Variants in EED observed in about 807,000 individuals in gnomAD.
EED encodes embryonic ectoderm development.
In EED, 9 loss-of-function variants were observed where a neutral mutation model predicts 61.0. That is an observed-to-expected ratio of 0.15 (90% CI 0.09 to 0.26). The LOEUF (loss-of-function observed/expected upper bound fraction) is 0.26. Ranked by LOEUF, EED falls within the 10% of genes least tolerant of loss-of-function variation. The pLI is 1.00. For missense variants in EED, 315 were observed against 542.3 expected, an observed-to-expected ratio of 0.58 and a Z score of 4.16; for synonymous variants, 187 against 174.4, an observed-to-expected ratio of 1.07 and a Z score of -0.57.
At chr11:86,248,201 T>C (rs1945439024) in intron 1 of EED, among the ~76,000 whole-genome samples, 1 of 152,212 alleles carries the variant, frequency 6.6e-6, no homozygotes, top group South Asian at 2.1e-4. Flanking sequence ...CCTGTACATA[T>C]ATTAGACACT....
At chr11:86,268,609 G>GTA (rs746121603) in intron 9 of EED, 48 bp downstream of exon 9, 43 of 1,164,570 alleles carry the variant, frequency 3.7e-5, no homozygotes, top group Non-Finnish European at 5.0e-5. Context: ...GTGTGTGTGT[G>GTA]TGTGTGTGTG....
intron 10 of EED, chr11:86,277,676 A>T (rs918707310): frequency 7.0e-6 from 2 of 286,716 alleles, no homozygotes; most frequent in African/African-American, 4.3e-5. Flanking sequence ...TAACAATGTA[A>T]ATTTGTAAGG....
intron 1 of EED, among the ~76,000 whole-genome samples, chr11:86,247,115 A>G (rs1052519714): frequency 6.6e-6 from 1 of 152,228 alleles, no homozygotes; most frequent in Non-Finnish European, 1.5e-5. Flanking sequence ...GCAAAGGACA[A>G]AATAAAGCTT....
At chr11:86,260,346 C>T (rs1292549131) in intron 6 of EED, among the ~76,000 whole-genome samples, 1 of 152,150 alleles carries the variant, frequency 6.6e-6, no homozygotes, top group Non-Finnish European at 1.5e-5. Context: ...CCCACCTCAT[C>T]CTTCTGAGTA....
intron 9 of EED, among the ~76,000 whole-genome samples, chr11:86,269,528 A>G (rs1433911406): frequency 6.6e-6 from 1 of 152,038 alleles, no homozygotes; most frequent in Non-Finnish European, 1.5e-5. Context: ...TTATGTGTAA[A>G]CTGTTTTTTT....
In EED at chr11:86,278,441, A is replaced by G. The variant is rs1946281256; in HGVS notation, c.1242A>G (p.Arg414=). Reference sequence around the variant, plus strand: ...ATCATAAATGTGGTGCTGCTATTCGACAAACCAGTTTTAGCAGGGATAGCA... The same window carrying G: ...ATCATAAATGTGGTGCTGCTATTCGGCAAACCAGTTTTAGCAGGGATAGCA... The part of the protein sequence containing the change: ...LTHHKCGAAI[R]QTSFSRDSSI... The change falls in exon 12 of 12, where the codon CGA becomes CGG. Residue 414 remains arginine (R), a synonymous_variant. Transcript: ENST00000263360. 5.6e-6 allele frequency: 9 copies of G among 1,613,624 alleles called. No individual in the cohort carries two copies. The highest frequency in any genetic ancestry group is 7.6e-6 in the Non-Finnish European group (9 of 1,179,836).
At chr11:86,250,534 C>CT (rs1046590971) in intron 2 of EED, 86 bp downstream of exon 2, 63 of 1,343,404 alleles carry the variant, frequency 4.7e-5, no homozygotes, top group Middle Eastern at 2.5e-4. Flanking sequence ...TCAGGATACT[C>CT]TGTCAAGTTG....
chr11:86,244,961 G>C lies in EED; in HGVS notation c.-269G>C. The C allele has an allele frequency of 6.4e-5, 26 of 407,140 alleles. No individual in the cohort carries two copies. Among genetic ancestry groups the C allele is most frequent in the South Asian group, 1.4e-4 (4 of 29,188 alleles). The allele number at this position is 407,140 out of a possible 1,614,324, so 25.2% of individuals were successfully genotyped here. The stretch of plus-strand genomic sequence containing the variant: ...CATCGTGTAGACTGCCGGGAGGGCG[G>C]CGGGAAAAGGGCAAGACGGGAGTTG... On this transcript the variant is annotated 5_prime_UTR_variant, in exon 1 of 12. Transcript: ENST00000263360.
chr11:86,281,854 CT>C (rs1449256065), downstream of EED, among the ~76,000 whole-genome samples: 1 of 152,126 alleles, frequency 6.6e-6, no homozygotes, highest in Non-Finnish European at 1.5e-5. Context: ...CTTGTAGTTT[CT>C]TTTTTGACCC....
chr11:86,250,571 C>T, intron 2 of EED, 123 bp downstream of exon 2: 2 of 1,150,370 alleles, frequency 1.7e-6, no homozygotes, highest in Non-Finnish European at 1.1e-6. Context: ...ACAATGTTTT[C>T]TGAAGGGTTT....
chr11:86,253,230 T>G (rs558707571), intron 3 of EED, among the ~76,000 whole-genome samples: 1 of 152,372 alleles, frequency 6.6e-6, no homozygotes, highest in South Asian at 2.1e-4. Flanking sequence ...GTAGTCTGCT[T>G]ATAGTTGTTT....
At chr11:86,286,208 T>C in the EED span, among the ~76,000 whole-genome samples, 1 of 151,978 alleles carries the variant, frequency 6.6e-6, no homozygotes, top group Non-Finnish European at 1.5e-5. Context: ...TTTTTTTTTT[T>C]TTTGGTATCG....
chr11:86,264,328 C>T, intron 7 of EED, 65 bp downstream of exon 7: 1 of 1,146,702 alleles, frequency 8.7e-7, no homozygotes, highest in Non-Finnish European at 1.3e-6. Context: ...CTCCATGGAA[C>T]TGTTTCCTTA....
chr11:86,246,173 A>G (rs1945387338), intron 1 of EED, among the ~76,000 whole-genome samples: 3 of 152,212 alleles, frequency 2.0e-5, no homozygotes, highest in African/African-American at 7.2e-5. Flanking sequence ...AACCCAACTG[A>G]GTTTTAATTG....
chr11:86,248,188 C>T (rs1321360961), intron 1 of EED, among the ~76,000 whole-genome samples: 1 of 152,158 alleles, frequency 6.6e-6, no homozygotes, highest in Non-Finnish European at 1.5e-5. Context: ...GGATGGAGGT[C>T]ACCCTGTACA....
chr11:86,250,788 A>G (rs971986523), intron 2 of EED, among the ~76,000 whole-genome samples: 1 of 152,192 alleles, frequency 6.6e-6, no homozygotes, highest in Non-Finnish European at 1.5e-5. Context: ...TTCTGGCATC[A>G]GTTTTTAAAA....
At chr11:86,280,484 T>C (rs1391645904), downstream of EED, among the ~76,000 whole-genome samples, 1 of 152,158 alleles carries the variant, frequency 6.6e-6, no homozygotes, top group Non-Finnish European at 1.5e-5. Context: ...TCACCAGTTA[T>C]CTCATTAGCC....
chr11:86,257,416 T>A, intron 5 of EED, 99 bp from the exon 6 acceptor site: 1 of 687,012 alleles, frequency 1.5e-6, no homozygotes. Context: ...TGAGAACCAC[T>A]ACTTTAAGTG....
At chr11:86,271,487 A>G (rs906490991) in intron 9 of EED, among the ~76,000 whole-genome samples, 2 of 152,142 alleles carry the variant, frequency 1.3e-5, no homozygotes, top group African/African-American at 4.8e-5. Context: ...TGTGATCTAT[A>G]TGCCTTTTCT....
Sources: gnomAD v4.1 joint callset for allele counts (sites outside exome capture counted in the v4.1 genomes callset) on GRCh38, gnomAD v4.1.1 for gene constraint, MANE v1.5 for transcripts, NCBI Gene and HGNC (gene_info 2026-07-23, HGNC 2026-07-21) for gene names.